Variants in LRRTM4 observed in about 807,000 individuals in gnomAD.
The protein encoded by LRRTM4 is leucine-rich repeat transmembrane neuronal protein 4.
In LRRTM4, 25 loss-of-function variants were observed where a neutral mutation model predicts 47.6. The ratio of observed to expected loss-of-function variants is 0.53; its 90% CI spans 0.38 to 0.73. LRRTM4 has a LOEUF of 0.73. Ranked by LOEUF, LRRTM4 falls within the 30% of genes least tolerant of loss-of-function variation. The probability of loss-of-function intolerance (pLI) is 0.00; values close to 1 mark genes in which losing one functional copy is unlikely to be tolerated. For synonymous variants in LRRTM4, 311 were observed against 269.5 expected (o/e 1.15, Z -1.51); for missense variants, 638 against 713.4 (o/e 0.89, Z 1.20).
At chr2:77,081,569 C>CA (rs1680535167) in intron 3 of LRRTM4, among the ~76,000 whole-genome samples, 1 of 152,020 alleles carries the variant, frequency 6.6e-6, no homozygotes, top group Non-Finnish European at 1.5e-5. Context: ...AGAAGTCAAG[C>CA]TTTCATCACT....
chr2:76,759,097 A>G (rs1558635320), intron 3 of LRRTM4, among the ~76,000 whole-genome samples: 3 of 152,098 alleles, frequency 2.0e-5, no homozygotes, highest in South Asian at 4.1e-4. Flanking sequence ...CAATTTTCTG[A>G]GAGTTAGGCC....
intron 3 of LRRTM4, among the ~76,000 whole-genome samples, chr2:77,177,817 T>C (rs901729464): frequency 6.6e-6 from 1 of 152,218 alleles, no homozygotes; most frequent in Non-Finnish European, 1.5e-5. Context: ...GGAAGGCAGT[T>C]GACTCAGCTG....
chr2:77,236,577 G>C (rs532902823), intron 3 of LRRTM4, among the ~76,000 whole-genome samples: 3 of 152,008 alleles, frequency 2.0e-5, no homozygotes, highest in Admixed American at 2.0e-4. Context: ...GGAATGATGA[G>C]AATGAGCATC....
chr2:77,327,065 G>T (rs906615836), intron 3 of LRRTM4, among the ~76,000 whole-genome samples: 7 of 152,232 alleles, frequency 4.6e-5, no homozygotes, highest in East Asian at 3.9e-4. Flanking sequence ...CTTCTATGAT[G>T]GATACAGTAA....
chr2:76,888,468 A>G (rs992728074), intron 3 of LRRTM4, among the ~76,000 whole-genome samples: 3 of 151,542 alleles, frequency 2.0e-5, no homozygotes, highest in Non-Finnish European at 3.0e-5. Flanking sequence ...TTATTTTTTT[A>G]TATGTACTCA....
At chr2:77,209,017 C>T (rs1269686105) in intron 3 of LRRTM4, among the ~76,000 whole-genome samples, 2 of 152,090 alleles carry the variant, frequency 1.3e-5, no homozygotes, top group African/African-American at 4.8e-5. Flanking sequence ...CTAACCTTCA[C>T]TCAGCCTTCC....
intron 3 of LRRTM4, among the ~76,000 whole-genome samples, chr2:76,877,455 T>C (rs1031001871): frequency 1.4e-4 from 21 of 152,028 alleles, no homozygotes; most frequent in Admixed American, 5.2e-4. Context: ...CACTTCACAA[T>C]TGCGTGGTAT....
At chr2:77,267,709 T>TC (rs1676085366) in intron 3 of LRRTM4, among the ~76,000 whole-genome samples, 1 of 148,548 alleles carries the variant, frequency 6.7e-6, no homozygotes, top group Non-Finnish European at 1.5e-5. Flanking sequence ...TATTTTTTTT[T>TC]GATAATGCTC....
intron 3 of LRRTM4, among the ~76,000 whole-genome samples, chr2:76,923,256 A>G (rs1472614119): frequency 6.6e-6 from 1 of 152,014 alleles, no homozygotes; most frequent in Admixed American, 6.6e-5. Flanking sequence ...GTTTGTCTAA[A>G]GTTCATGAAA....
chr2:76,824,624 A>T (rs1671142315), intron 3 of LRRTM4, among the ~76,000 whole-genome samples: 1 of 148,052 alleles, frequency 6.8e-6, no homozygotes, highest in Non-Finnish European at 1.5e-5. Context: ...ACTATATTTT[A>T]TGTATGTATT....
At chr2:77,509,965 C>G (rs926599996) in intron 3 of LRRTM4, among the ~76,000 whole-genome samples, 1 of 152,116 alleles carries the variant, frequency 6.6e-6, no homozygotes, top group Non-Finnish European at 1.5e-5. Context: ...AGGCTGACCT[C>G]TCTGCTATTA....
intron 3 of LRRTM4, among the ~76,000 whole-genome samples, chr2:77,259,715 C>G (rs75931549): frequency 0.031 from 4,703 of 151,958 alleles, 270 homozygotes; most frequent in African/African-American, 0.11. Flanking sequence ...GGTGAATATC[C>G]AGGAATGGAG....
chr2:77,063,373 A>C (rs1679854854), intron 3 of LRRTM4, among the ~76,000 whole-genome samples: 1 of 152,154 alleles, frequency 6.6e-6, no homozygotes. Flanking sequence ...TTCTATTTTG[A>C]ATAGTGTAAT....
chr2:77,439,919 C>T (rs1017400402), intron 3 of LRRTM4, among the ~76,000 whole-genome samples: 1 of 152,074 alleles, frequency 6.6e-6, no homozygotes, highest in Non-Finnish European at 1.5e-5. Context: ...ACAGCTAGTA[C>T]AAAAAGAACC....
intron 3 of LRRTM4, among the ~76,000 whole-genome samples, chr2:77,439,553 G>A (rs1675750415): frequency 6.6e-6 from 1 of 152,088 alleles, no homozygotes; most frequent in South Asian, 2.1e-4. Context: ...TATTGTGTGA[G>A]ACAACATTAT....
At chr2:76,901,273 C>A (rs917879905) in intron 3 of LRRTM4, among the ~76,000 whole-genome samples, 1 of 152,208 alleles carries the variant, frequency 6.6e-6, no homozygotes, top group African/African-American at 2.4e-5. Flanking sequence ...CCTTGTTCAG[C>A]TCCAACTTAT....
At chr2:76,941,662 A>G (rs527345025) in intron 3 of LRRTM4, among the ~76,000 whole-genome samples, 7 of 152,280 alleles carry the variant, frequency 4.6e-5, no homozygotes, top group African/African-American at 1.7e-4. Context: ...ATATGGCTGC[A>G]TAGTATTCCA....
intron 3 of LRRTM4, among the ~76,000 whole-genome samples, chr2:77,403,160 T>C (rs1674028860): frequency 6.6e-6 from 1 of 151,976 alleles, no homozygotes; most frequent in South Asian, 2.1e-4. Flanking sequence ...AGGTAAAATG[T>C]AAAGTACCTA....
At chr2:77,055,749 A>G (rs1447909588) in intron 3 of LRRTM4, among the ~76,000 whole-genome samples, 3 of 152,020 alleles carry the variant, frequency 2.0e-5, no homozygotes, top group South Asian at 2.1e-4. Context: ...ACGTATGTTT[A>G]TTGTGGCACT....
Sources: gnomAD v4.1 joint callset for allele counts (sites outside exome capture counted in the v4.1 genomes callset) on GRCh38, gnomAD v4.1.1 for gene constraint, MANE v1.5 for transcripts, NCBI Gene and HGNC (gene_info 2026-07-23, HGNC 2026-07-21) for gene names.